RALYL: variants seen among roughly 807,000 people sequenced by gnomAD.
The protein encoded by RALYL is RNA-binding Raly-like protein.
In RALYL, 29 loss-of-function variants were observed where a neutral mutation model predicts 35.1. The ratio of observed to expected loss-of-function variants is 0.83; its 90% CI spans 0.61 to 1.13. RALYL has a LOEUF of 1.13. RALYL is among the 50% of genes most tolerant of loss of function. The pLI is 0.00. For synonymous variants in RALYL, 120 were observed against 127.6 expected, an observed-to-expected ratio of 0.94 and a Z score of 0.40; for missense variants, 359 against 360.4, an observed-to-expected ratio of 1.00 and a Z score of 0.03.
At chr8:84,476,521 G>T (rs1167920396) in intron 1 of RALYL, among the ~76,000 whole-genome samples, 2 of 152,236 alleles carry the variant, frequency 1.3e-5, no homozygotes, top group Non-Finnish European at 2.9e-5. Context: ...TAACAGAAAG[G>T]TTTACTTTTT....
chr8:84,255,084 A>C (rs935015165), intron 1 of RALYL, among the ~76,000 whole-genome samples: 1 of 152,128 alleles, frequency 6.6e-6, no homozygotes, highest in African/African-American at 2.4e-5. Flanking sequence ...CCATATCAGA[A>C]GGGTAAGTCA....
intron 1 of RALYL, among the ~76,000 whole-genome samples, chr8:84,305,987 A>T (rs1412985658): frequency 6.6e-6 from 1 of 152,034 alleles, no homozygotes; most frequent in Non-Finnish European, 1.5e-5. Flanking sequence ...ACATAGTGAA[A>T]CCCCATCTCT....
At chr8:84,488,252 T>G (rs1056794213) in intron 1 of RALYL, among the ~76,000 whole-genome samples, 18 of 152,186 alleles carry the variant, frequency 1.2e-4, no homozygotes, top group African/African-American at 4.1e-4. Context: ...ACAAATACGG[T>G]TGAATATTGC....
intron 1 of RALYL, among the ~76,000 whole-genome samples, chr8:84,519,445 C>T (rs1405948196): frequency 2.6e-5 from 4 of 152,108 alleles, no homozygotes; most frequent in African/African-American, 9.7e-5. Flanking sequence ...ATTGTAGACT[C>T]CTTGGGTTCT....
chr8:84,818,262 A>G (rs1047294040), intron 4 of RALYL, among the ~76,000 whole-genome samples: 16 of 152,222 alleles, frequency 1.1e-4, no homozygotes, highest in Non-Finnish European at 1.0e-4. Context: ...GGAAAGCAAT[A>G]CTGATTTAAG....
At chr8:84,258,407 C>T (rs1831590639) in intron 1 of RALYL, among the ~76,000 whole-genome samples, 1 of 151,902 alleles carries the variant, frequency 6.6e-6, no homozygotes, top group Admixed American at 6.6e-5. Context: ...AAATACAGTC[C>T]TGCAGAAAGA....
chr8:84,919,311 C>T (rs1848952036), intron 8 of RALYL, among the ~76,000 whole-genome samples: 1 of 152,000 alleles, frequency 6.6e-6, no homozygotes, highest in Non-Finnish European at 1.5e-5. Flanking sequence ...TACCTATTTT[C>T]ATATATCAGT....
rs1217580191 is a variant in RALYL, at chr8:84,873,369, G to A, written c.657G>A (p.Lys219=). ...ACTCCTTGCTAGGGCGCCTGGAGAAGATTGAGAAACAGCAGAAGGCGGAGG... is the reference window on the plus strand; with the variant it reads ...ACTCCTTGCTAGGGCGCCTGGAGAAAATTGAGAAACAGCAGAAGGCGGAGG... The part of the protein sequence containing the change: ...KIDSLLGRLE[K]IEKQQKAEAE... The change falls in exon 7 of 9, where the codon AAG becomes AAA. Residue 219 remains lysine, a synonymous_variant. Transcript: ENST00000521268. The A allele has an allele frequency of 1.3e-6, 2 of 1,599,806 alleles. No homozygotes were observed. Among genetic ancestry groups the A allele is most frequent in the South Asian group, 1.1e-5 (1 of 88,408 alleles).
At chr8:84,196,034 T>C (rs192633655) in intron 1 of RALYL, among the ~76,000 whole-genome samples, 33 of 152,340 alleles carry the variant, frequency 2.2e-4, no homozygotes, top group African/African-American at 7.5e-4. Context: ...TTAAGTACTA[T>C]AAAATATATA....
chr8:84,907,801 C>G (rs10091245), intron 8 of RALYL, among the ~76,000 whole-genome samples: 45,861 of 151,676 alleles, frequency 0.3, 7,455 homozygotes, highest in East Asian at 0.61. Context: ...AAATGAAAAA[C>G]CAAGCATCTC....
At chr8:84,573,197 A>AT (rs1248117516) in intron 2 of RALYL, among the ~76,000 whole-genome samples, 1 of 151,296 alleles carries the variant, frequency 6.6e-6, no homozygotes, top group Non-Finnish European at 1.5e-5. Context: ...AATTTCTGTT[A>AT]TTTTGTATTC....
chr8:84,216,246 A>C (rs1167624493), intron 1 of RALYL, among the ~76,000 whole-genome samples: 1 of 151,870 alleles, frequency 6.6e-6, no homozygotes, highest in Non-Finnish European at 1.5e-5. Context: ...TTGCAAAATT[A>C]TACACTAAAA....
chr8:84,594,176 C>T (rs1289847139), intron 2 of RALYL, among the ~76,000 whole-genome samples: 1 of 152,028 alleles, frequency 6.6e-6, no homozygotes, highest in African/African-American at 2.4e-5. Flanking sequence ...ATCTGTCCAT[C>T]AACCCCAATG....
At chr8:84,858,171 A>G (rs1486445564) in intron 5 of RALYL, among the ~76,000 whole-genome samples, 5 of 152,130 alleles carry the variant, frequency 3.3e-5, no homozygotes, top group Non-Finnish European at 5.9e-5. Context: ...TAAAGCATTA[A>G]AAGGCAAAAT....
At chr8:84,609,612 A>G (rs1040100709) in intron 2 of RALYL, among the ~76,000 whole-genome samples, 6 of 152,180 alleles carry the variant, frequency 3.9e-5, no homozygotes, top group African/African-American at 1.4e-4. Flanking sequence ...GATTTTTTGA[A>G]ACAATTTCAG....
chr8:84,365,226 T>C (rs1416969914), intron 1 of RALYL, among the ~76,000 whole-genome samples: 2 of 152,204 alleles, frequency 1.3e-5, no homozygotes, highest in African/African-American at 2.4e-5. Flanking sequence ...ACATGTATGA[T>C]ACATTTTATA....
At chr8:84,382,830 A>G (rs1330051610) in intron 1 of RALYL, among the ~76,000 whole-genome samples, 1 of 151,656 alleles carries the variant, frequency 6.6e-6, no homozygotes, top group Non-Finnish European at 1.5e-5. Context: ...GGGTTATTTC[A>G]TTTGTGAGCT....
chr8:84,493,971 C>T (rs1218709486), intron 1 of RALYL, among the ~76,000 whole-genome samples: 2 of 152,086 alleles, frequency 1.3e-5, no homozygotes, highest in Non-Finnish European at 2.9e-5. Flanking sequence ...GTCATAAAAT[C>T]TTTGCCCATG....
At chr8:84,709,560 T>C (rs899694337) in intron 2 of RALYL, among the ~76,000 whole-genome samples, 8 of 151,208 alleles carry the variant, frequency 5.3e-5, no homozygotes, top group African/African-American at 1.2e-4. Flanking sequence ...TATTTTACTT[T>C]AAAAAAAAAC....
Sources: allele counts gnomAD v4.1 joint callset (sites outside exome capture counted in the v4.1 genomes callset), GRCh38; gene constraint gnomAD v4.1.1; transcripts MANE v1.5; gene names NCBI Gene and HGNC (gene_info 2026-07-23, HGNC 2026-07-21).